Variants in DMD observed in about 807,000 individuals in gnomAD.
DMD encodes dystrophin.
A neutral mutation model predicts 330.1 loss-of-function variants in DMD; 63 were observed. That is an observed-to-expected ratio of 0.19 (90% CI 0.16 to 0.24). The LOEUF is 0.24. Ranked by LOEUF, DMD falls within the 10% of genes least tolerant of loss-of-function variation. DMD has a pLI of 1.00. For synonymous variants in DMD, 1,223 were observed against 959.8 expected, an observed-to-expected ratio of 1.27 and a Z score of -5.07; for missense variants, 3,344 against 2,684.1, an observed-to-expected ratio of 1.25 and a Z score of -5.43.
chrX:33,076,028 T>C (rs1359376274), intron 1 of DMD, among the ~76,000 whole-genome samples: 1 of 111,612 alleles, frequency 9.0e-6, no homozygotes, highest in Non-Finnish European at 1.9e-5. Context: ...GTCACCATTG[T>C]AAAGCCTAAG....
At chrX:33,279,368 G>A (rs1290986909) in intron 1 of DMD, among the ~76,000 whole-genome samples, 1 of 110,397 alleles carries the variant, frequency 9.1e-6, no homozygotes, top group Non-Finnish European at 1.9e-5. Context: ...TTTTCACTCA[G>A]TATAAATTAC....
chrX:32,013,679 C>T (rs1019286505), intron 44 of DMD, among the ~76,000 whole-genome samples: 2 of 111,659 alleles, frequency 1.8e-5, no homozygotes, highest in Non-Finnish European at 3.8e-5. Context: ...TATTCTGGAT[C>T]CTGATGTCTA....
chrX:32,769,472 A>G (rs1011203247), intron 7 of DMD, among the ~76,000 whole-genome samples: 1 of 112,098 alleles, frequency 8.9e-6, no homozygotes, highest in Non-Finnish European at 1.9e-5. Flanking sequence ...GCCAAACCAT[A>G]TCAGTCACCA....
intron 9 of DMD, among the ~76,000 whole-genome samples, chrX:32,678,157 T>C (rs2062098912): frequency 8.9e-6 from 1 of 112,075 alleles, no homozygotes; most frequent in African/African-American, 3.2e-5. Context: ...TCATGCAAGA[T>C]GAATAAATTC....
chrX:32,655,000 T>A (rs1412115787), intron 9 of DMD, among the ~76,000 whole-genome samples: 1 of 111,656 alleles, frequency 9.0e-6, no homozygotes, highest in Non-Finnish European at 1.9e-5. Flanking sequence ...TGATATCCCC[T>A]TTATTATTTT....
At chrX:31,361,032 G>T (rs756395907) in intron 60 of DMD, among the ~76,000 whole-genome samples, 133 of 110,672 alleles carry the variant, frequency 1.2e-3, no homozygotes, top group African/African-American at 4.3e-3. Context: ...GCTGAAGTGG[G>T]AGGATCACTT....
intron 45 of DMD, among the ~76,000 whole-genome samples, chrX:31,945,763 C>G (rs1435155654): frequency 9.0e-6 from 1 of 111,604 alleles, no homozygotes; most frequent in African/African-American, 3.3e-5. Flanking sequence ...GTATGTTGCT[C>G]CTAAAGGCAA....
chrX:32,700,811 T>C (rs2064055919), intron 7 of DMD, among the ~76,000 whole-genome samples: 1 of 111,576 alleles, frequency 9.0e-6, no homozygotes, highest in African/African-American at 3.2e-5. Context: ...TATTAAGATA[T>C]CTGTATTCAG....
chrX:31,669,962 T>A (rs1160820893), intron 53 of DMD, among the ~76,000 whole-genome samples: 1 of 111,465 alleles, frequency 9.0e-6, no homozygotes, highest in Non-Finnish European at 1.9e-5. Flanking sequence ...TGTGATATTT[T>A]TCTATTTTTT....
At chrX:32,310,374 G>C in intron 41 of DMD, 98 bp from the exon 42 acceptor site, 1 of 694,921 alleles carries the variant, frequency 1.4e-6, no homozygotes, top group Admixed American at 2.7e-5. Context: ...GCTGACAATT[G>C]AATCTACAAA....
At chrX:32,745,208 C>A in intron 7 of DMD, among the ~76,000 whole-genome samples, 1 of 112,260 alleles carries the variant, frequency 8.9e-6, no homozygotes, top group South Asian at 3.7e-4. Flanking sequence ...GTTTGTTCAG[C>A]CCATGAATGA....
chrX:31,569,652 A>ATATATACGTATATACG (rs1556698907), intron 55 of DMD, among the ~76,000 whole-genome samples: 2 of 93,206 alleles, frequency 2.1e-5, no homozygotes, highest in Non-Finnish European at 4.2e-5. Context: ...GTATATACGT[A>ATATATACGTATATACG]TATATACGTA....
At position 32,426,840 on chromosome X, in the gene DMD, G is replaced by C. The variant is rs191465556; in HGVS notation, c.4071+11401C>G. ...AGGGAGCTGGAGACCATTCTACTTA[G>C]CAAACTAATGCAGGAACAGACAACT... is the stretch of plus-strand genomic sequence containing the variant. On this transcript the variant is annotated intron_variant, in intron 29 of 78. Coordinates refer to ENST00000357033, the MANE Select transcript of DMD (RefSeq NM_004006.3). Among the ~76,000 whole-genome samples the C allele has an allele frequency of 6.3e-5, 7 of 111,573 alleles. 1 individual carries two copies. The East Asian group carries it at 2.0e-3, about 32-fold the overall frequency.
intron 74 of DMD, among the ~76,000 whole-genome samples, chrX:31,163,204 T>C (rs1254223986): frequency 1.8e-5 from 2 of 111,768 alleles, no homozygotes; most frequent in African/African-American, 3.3e-5. Context: ...GCACATATCA[T>C]GGGAGGAACC....
intron 43 of DMD, among the ~76,000 whole-genome samples, chrX:32,279,971 A>ATATGTACCCCACATATATC (rs2097408770): frequency 9.8e-6 from 1 of 102,101 alleles, no homozygotes; most frequent in Admixed American, 1.1e-4. Flanking sequence ...TAACCCATAT[A>ATATGTACCCCACATATATC]TATATGTACC....
chrX:31,357,469 AATCAAACATTTTCATCTCAGT>A (rs1475258726), intron 60 of DMD, among the ~76,000 whole-genome samples: 2 of 111,822 alleles, frequency 1.8e-5, no homozygotes, highest in Non-Finnish European at 3.8e-5. Flanking sequence ...AAGCACTGGA[AATCAAACATTTTCATCTCAGT>A]GGCAGAAGCT....
At chrX:32,937,582 G>C (rs916517312) in intron 2 of DMD, among the ~76,000 whole-genome samples, 3 of 106,437 alleles carry the variant, frequency 2.8e-5, no homozygotes, top group African/African-American at 1.0e-4. Flanking sequence ...ACTACCTACT[G>C]AGTTGGTAAA....
At position 32,287,557 on chromosome X, in the gene DMD, C is replaced by G. The variant is rs1215888256; in HGVS notation, c.6262G>C (p.Val2088Leu). Residue 2088 changes from valine (V) to leucine (L), a missense_variant, in exon 43 of 79, where the codon GTT becomes CTT. By Grantham distance (32) the Val-to-Leu change is conservative (BLOSUM62 1). Coordinates refer to ENST00000357033, the MANE Select transcript of DMD (RefSeq NM_004006.3). Reference protein sequence around the residue: ...LSQLDFQWEKVNKMYKDRQGR... With the variant: ...LSQLDFQWEKLNKMYKDRQGR... ...TGTCGGTCCTTGTACATTTTGTTAACTTTTTCCCATTGGAAATCAAGCTGG... is the reference window on the plus strand; with the variant it reads ...TGTCGGTCCTTGTACATTTTGTTAAGTTTTTCCCATTGGAAATCAAGCTGG... 4.1e-6 allele frequency: 5 copies of G among 1,209,283 alleles called. No individual in the cohort carries two copies. In the African/African-American group the frequency reaches 7.0e-5, roughly 17 times the overall value.
intron 9 of DMD, among the ~76,000 whole-genome samples, chrX:32,648,690 T>G (rs551808807): frequency 8.9e-6 from 1 of 112,099 alleles, no homozygotes; most frequent in Non-Finnish European, 1.9e-5. Context: ...CATTTGTATA[T>G]TTTCCATAGA....
Sources: allele counts gnomAD v4.1 joint callset (sites outside exome capture counted in the v4.1 genomes callset), GRCh38; gene constraint gnomAD v4.1.1; transcripts MANE v1.5; gene names NCBI Gene and HGNC (gene_info 2026-07-23, HGNC 2026-07-21).